APPL1: variants seen among roughly 807,000 people sequenced by gnomAD.
APPL1 encodes the protein adaptor protein, phosphotyrosine interacting with PH domain and leucine zipper 1, also known as DCC-interacting protein 13-alpha.
In APPL1, 42 loss-of-function variants were observed where a neutral mutation model predicts 106.8. The ratio of observed to expected loss-of-function variants is 0.39; its 90% CI spans 0.31 to 0.51. The LOEUF (loss-of-function observed/expected upper bound fraction) is 0.51. Ranked by LOEUF, APPL1 falls within the 20% of genes least tolerant of loss-of-function variation. The probability of loss-of-function intolerance (pLI) is 0.75; values close to 1 mark genes in which losing one functional copy is unlikely to be tolerated. For missense variants in APPL1, 769 were observed against 858.2 expected (o/e 0.90, Z 1.30); for synonymous variants, 263 against 281.8 (o/e 0.93, Z 0.67).
At chr3:57,234,729 C>A (rs2060707492) in intron 1 of APPL1, among the ~76,000 whole-genome samples, 1 of 152,062 alleles carries the variant, frequency 6.6e-6, no homozygotes, top group Non-Finnish European at 1.5e-5. Flanking sequence ...GATCTCGGCT[C>A]ACTGCAACCT....
intron 8 of APPL1, among the ~76,000 whole-genome samples, chr3:57,246,451 T>C (rs1318317288): frequency 1.3e-5 from 2 of 152,222 alleles, no homozygotes; most frequent in Non-Finnish European, 2.9e-5. Flanking sequence ...ATGAAACCAC[T>C]TGTTCACCAT....
rs758959862 is a variant in APPL1, at chr3:57,258,997, A to ATGTT, written c.1431-28_1431-27insTTGT. On this transcript the variant is annotated intron_variant, in intron 15 of 21. Coordinates refer to ENST00000288266, the MANE Select transcript of APPL1 (RefSeq NM_012096.3). ...TCTATGTGGCTCATGGTAACTGACC[A>ATGTT]TGTGTTCATATTTTCTTCTAAACTT... The ATGTT allele has an allele frequency of 5.1e-6, 8 of 1,558,996 alleles. No individual in the cohort carries two copies. In the South Asian group the frequency reaches 9.0e-5, roughly 18 times the overall value.
At chr3:57,263,826 A>G (rs996746393) in intron 19 of APPL1, among the ~76,000 whole-genome samples, 7 of 148,164 alleles carry the variant, frequency 4.7e-5, no homozygotes, top group African/African-American at 1.7e-4. Context: ...AGTTTTAACT[A>G]TTGTGAACCG....
chr3:57,249,439 G>A lies in APPL1; in HGVS notation c.943G>A (p.Gly315Arg). Residue 315 changes from glycine (G) to arginine (R), a missense_variant, in exon 11 of 22, where the codon GGG (glycine) becomes AGG (arginine). Gly to Arg is a moderately radical substitution (Grantham distance 125). Coordinates refer to ENST00000288266, the MANE Select transcript of APPL1 (RefSeq NM_012096.3). ...QGGNLMSQAR[G>R]DVAGGLAMDI... ...TGGAAATTTAATGAGTCAGGCCCGT[G>A]GGGATGTAGCAGGAGGCCTGGCCAT... 2 of 1,614,146 alleles carry A rather than the reference G, an allele frequency of 1.2e-6. No individual in the cohort carries two copies. Among genetic ancestry groups the A allele is most frequent in the East Asian group, 2.2e-5 (1 of 44,878 alleles).
chr3:57,260,578 T>C, intron 18 of APPL1, 50 bp from the exon 19 acceptor site: 1 of 1,534,446 alleles, frequency 6.5e-7, no homozygotes, highest in South Asian at 1.3e-5. Context: ...CAAGTGCTGC[T>C]GTAATGACTT....
chr3:57,228,541 C>T lies in APPL1; in HGVS notation c.54+604C>T, dbSNP rs778682725. The stretch of plus-strand genomic sequence containing the variant: ...CGAGCTGTGCACGGCGAGGGATGGA[C>T]GGTGCCTTCGCCGCTCCGCGACTGC... On this transcript the variant is annotated intron_variant, in intron 1 of 21. Coordinates refer to ENST00000288266, the MANE Select transcript of APPL1 (RefSeq NM_012096.3). The surrounding 1 kb of genome is among the most constrained non-coding windows in gnomAD (Gnocchi z 4.6). Among the ~76,000 whole-genome samples the T allele has an allele frequency of 1.3e-5, 2 of 152,240 alleles. No individual in the cohort carries two copies. Among genetic ancestry groups the T allele is most frequent in the Non-Finnish European group, 2.9e-5 (2 of 68,046 alleles).
rs1468301851 is a variant in APPL1 at position 57,270,233 on chromosome 3, A to G, written c.*546A>G. On this transcript the variant is annotated 3_prime_UTR_variant, in exon 22 of 22. Coordinates refer to ENST00000288266, the MANE Select transcript of APPL1 (RefSeq NM_012096.3). ...CAGAGATTTTACAGTTAAGGTTTCAAATTGTGGCAGGTGGTACTGTTGATC... is the reference window on the plus strand; with the variant it reads ...CAGAGATTTTACAGTTAAGGTTTCAGATTGTGGCAGGTGGTACTGTTGATC... 2.0e-5 allele frequency: 3 copies of G among 152,724 alleles called. No individual in the cohort carries two copies. The highest frequency in any genetic ancestry group is 4.1e-4 in the South Asian group (2 of 4,828). 9.5% of individuals were successfully genotyped at this position (152,724 alleles called of 1,614,324 possible). A position where few individuals can be genotyped will look rare whatever the true frequency, so the allele number is the denominator to read the frequency against.
chr3:57,243,970 C>T (rs2060759724), intron 7 of APPL1, among the ~76,000 whole-genome samples: 1 of 152,070 alleles, frequency 6.6e-6, no homozygotes. Flanking sequence ...ACTGGATACT[C>T]CACATTTATT....
At chr3:57,256,649 A>G (rs1330843081) in intron 13 of APPL1, among the ~76,000 whole-genome samples, 1 of 152,214 alleles carries the variant, frequency 6.6e-6, no homozygotes, top group Non-Finnish European at 1.5e-5. Flanking sequence ...TTAAAAATGT[A>G]AAGAAAACAA....
intron 13 of APPL1, among the ~76,000 whole-genome samples, chr3:57,255,033 G>A (rs983703858): frequency 1.3e-5 from 2 of 152,232 alleles, no homozygotes; most frequent in East Asian, 1.9e-4. Context: ...GTGATACAGC[G>A]TGAATTCCCA....
rs1266229303 is a variant in APPL1, at chr3:57,260,376, C to T, written c.1695+223C>T. Reference sequence around the variant, plus strand: ...ACAATTCTTTTTGTAATTTTTTTAACACAGTTCTTTTTGACTTTGTAAAAT... The same window carrying T: ...ACAATTCTTTTTGTAATTTTTTTAATACAGTTCTTTTTGACTTTGTAAAAT... On this transcript the variant is annotated intron_variant, in intron 18 of 21. Coordinates refer to ENST00000288266, the MANE Select transcript of APPL1 (RefSeq NM_012096.3). 6 of 572,398 alleles carry T rather than the reference C, an allele frequency of 1.0e-5. No homozygotes were observed. In the East Asian group the frequency reaches 2.0e-4, roughly 19 times the overall value. The allele number at this position is 572,398 out of a possible 1,614,324, so 35.5% of individuals were successfully genotyped here.
intron 19 of APPL1, among the ~76,000 whole-genome samples, chr3:57,264,391 T>C (rs528929971): frequency 6.6e-6 from 1 of 152,190 alleles, no homozygotes; most frequent in South Asian, 2.1e-4. Flanking sequence ...CTTGATGAGA[T>C]CCCATTTGTC....
At chr3:57,239,897 G>T (rs6762354) in intron 4 of APPL1, among the ~76,000 whole-genome samples, 1 of 151,782 alleles carries the variant, frequency 6.6e-6, no homozygotes, top group Non-Finnish European at 1.5e-5. Context: ...GGCCATCTGA[G>T]TGAGTGTGAA....
rs1210404193 is a variant in APPL1, at chr3:57,272,413, T to C, written c.*2726T>C. The C allele has an allele frequency of 1.3e-5, 2 of 152,222 alleles. No individual in the cohort carries two copies. The highest frequency in any genetic ancestry group is 2.9e-5 in the Non-Finnish European group (2 of 68,044). The allele number at this position is 152,222 out of a possible 1,614,324, so 9.4% of individuals were successfully genotyped here. A position where few individuals can be genotyped will look rare whatever the true frequency, so the allele number is the denominator to read the frequency against. On this transcript the variant is annotated 3_prime_UTR_variant, in exon 22 of 22. Transcript: ENST00000288266. ...ACAATCTAGGGGTGGTAAATGTGTT[T>C]CCACTATACTTGGGAAAAGGTCAGT...
At chr3:57,263,824 C>T (rs1413835861) in intron 19 of APPL1, among the ~76,000 whole-genome samples, 1 of 148,956 alleles carries the variant, frequency 6.7e-6, no homozygotes, top group Non-Finnish European at 1.5e-5. Flanking sequence ...CAAGTTTTAA[C>T]TATTGTGAAC....
At chr3:57,244,646 G>T (rs968616541) in intron 7 of APPL1, among the ~76,000 whole-genome samples, 4 of 152,138 alleles carry the variant, frequency 2.6e-5, no homozygotes, top group Non-Finnish European at 5.9e-5. Flanking sequence ...GGCAGAAAGA[G>T]TAAGAAGTAT....
rs753258836 is a variant in APPL1 at position 57,229,699 on chromosome 3, C to CTTTTTT, written c.54+1785_54+1790dup. 2.9e-4 allele frequency among the ~76,000 whole-genome samples: 27 copies of CTTTTTT among 93,118 alleles called. 2 individuals carry two copies. The highest frequency in any genetic ancestry group is 1.2e-3 in the African/African-American group (26 of 21,456). The allele number at this position is 93,118 out of a possible 152,430, so 61.1% of individuals were successfully genotyped here. On this transcript the variant is annotated intron_variant, in intron 1 of 21. Coordinates refer to ENST00000288266, the MANE Select transcript of APPL1 (RefSeq NM_012096.3). Reference sequence around the variant, plus strand: ...ATACAGGCGTGTGCCACTGTGCCAGCTTTTTTTTTTTTTTTTTTTTTTTTT... The same window carrying CTTTTTT: ...ATACAGGCGTGTGCCACTGTGCCAGCTTTTTTTTTTTTTTTTTTTTTTTTTTTTTTT...
intron 1 of APPL1, among the ~76,000 whole-genome samples, chr3:57,232,941 G>A (rs1487577643): frequency 6.6e-6 from 1 of 152,124 alleles, no homozygotes; most frequent in African/African-American, 2.4e-5. Context: ...GGCGGAGCGT[G>A]CAGTGAGCCA....
rs190912996 is a variant in APPL1, at chr3:57,273,144, T to G, written c.*3457T>G. ...CTCATGAAATTTACTTCAGTTAATA[T>G]GAGACTGGGGGTTAAGTTGTAACTA... On this transcript the variant is annotated 3_prime_UTR_variant, in exon 22 of 22. Coordinates refer to ENST00000288266, the MANE Select transcript of APPL1 (RefSeq NM_012096.3). The G allele has an allele frequency of 4.6e-5, 7 of 152,778 alleles. No individual in the cohort carries two copies. Among genetic ancestry groups the G allele is most frequent in the African/African-American group, 1.7e-4 (7 of 41,596 alleles). 9.5% of individuals were successfully genotyped at this position (152,778 alleles called of 1,614,324 possible). A position where few individuals can be genotyped will look rare whatever the true frequency, so the allele number is the denominator to read the frequency against.
Sources: gnomAD v4.1 joint callset for allele counts (sites outside exome capture counted in the v4.1 genomes callset) on GRCh38, gnomAD v4.1.1 for gene constraint, Gnocchi (gnomAD v3.1) non-coding constraint, MANE v1.5 for transcripts, NCBI Gene and HGNC (gene_info 2026-07-23, HGNC 2026-07-21) for gene names.